The following DNAH12 variants were observed in gnomAD, a reference collection of about 807,000 sequenced individuals.
The protein encoded by DNAH12 is axonemal beta dynein heavy chain 12.
DNAH12 carries 285 observed loss-of-function variants against 371.5 expected under a neutral mutation model. That is an observed-to-expected ratio of 0.77 (90% CI 0.70 to 0.85). The LOEUF (loss-of-function observed/expected upper bound fraction) is 0.85. Among genes scored for constraint, DNAH12 ranks in the 40% least tolerant of loss-of-function variants. DNAH12 has a pLI of 0.00. For missense variants in DNAH12, 3,611 were observed against 3,689.4 expected (o/e 0.98, Z 0.55); for synonymous variants, 1,200 against 1,213.0 (o/e 0.99, Z 0.22).
chr3:57,383,087 A>C (rs1450792662), intron 49 of DNAH12, among the ~76,000 whole-genome samples: 1 of 152,154 alleles, frequency 6.6e-6, no homozygotes, highest in Non-Finnish European at 1.5e-5. Flanking sequence ...GCAGTGTAGG[A>C]AGCTCTGGAG....
intron 43 of DNAH12, among the ~76,000 whole-genome samples, chr3:57,394,968 G>A (rs2063706515): frequency 6.6e-6 from 1 of 151,998 alleles, no homozygotes; most frequent in Admixed American, 6.6e-5. Context: ...TAAAATTTCA[G>A]GAACTTGTCA....
chr3:57,303,997 T>C (rs2061416717), intron 69 of DNAH12, among the ~76,000 whole-genome samples: 1 of 152,166 alleles, frequency 6.6e-6, no homozygotes, highest in Non-Finnish European at 1.5e-5. Flanking sequence ...CATTACCTTG[T>C]GAAATTCCTT....
chr3:57,503,768 T>C (rs2067645958), intron 9 of DNAH12, among the ~76,000 whole-genome samples: 1 of 152,096 alleles, frequency 6.6e-6, no homozygotes, highest in Non-Finnish European at 1.5e-5. Context: ...CTTAAGAAGC[T>C]CACAACTCAG....
chr3:57,440,424 A>G (rs996054227), intron 29 of DNAH12, among the ~76,000 whole-genome samples: 1 of 152,188 alleles, frequency 6.6e-6, no homozygotes, highest in Non-Finnish European at 1.5e-5. Flanking sequence ...TCACACAGGA[A>G]CAGGAAACCA....
chr3:57,365,221 A>G (rs1488312087), intron 57 of DNAH12, among the ~76,000 whole-genome samples: 5 of 152,244 alleles, frequency 3.3e-5, no homozygotes, highest in East Asian at 1.9e-4. Context: ...GTGTCCATCA[A>G]CTATAGACTG....
intron 57 of DNAH12, among the ~76,000 whole-genome samples, chr3:57,364,431 T>C (rs2063002445): frequency 1.3e-5 from 2 of 152,162 alleles, no homozygotes. Context: ...TCAAGTGAAA[T>C]CAGATTTCCT....
chr3:57,319,176 G>T (rs974086422), intron 65 of DNAH12, among the ~76,000 whole-genome samples: 1 of 152,008 alleles, frequency 6.6e-6, no homozygotes. Context: ...ATAGTTTGTT[G>T]TTGGTGTACA....
At chr3:57,469,781 G>T (rs1257048775) in intron 16 of DNAH12, among the ~76,000 whole-genome samples, 2 of 152,078 alleles carry the variant, frequency 1.3e-5, no homozygotes, top group Admixed American at 6.6e-5. Flanking sequence ...GCTAAGCCCT[G>T]GGTATACATG....
chr3:57,302,376 G>A (rs1285274620), intron 69 of DNAH12, among the ~76,000 whole-genome samples: 1 of 151,112 alleles, frequency 6.6e-6, no homozygotes, highest in African/African-American at 2.4e-5. Context: ...TACTTTACTT[G>A]CACTTAGGCC....
chr3:57,536,352 T>C (rs1325155847), intron 2 of DNAH12: 2 of 152,180 alleles, frequency 1.3e-5, no homozygotes, highest in African/African-American at 4.8e-5. Flanking sequence ...GCTGCCAAAG[T>C]GAGCACTCAA....
intron 58 of DNAH12, among the ~76,000 whole-genome samples, chr3:57,360,349 G>A (rs989846306): frequency 0.2 from 29,829 of 151,994 alleles, 3,151 homozygotes; most frequent in African/African-American, 0.24. Context: ...TCACATTCAT[G>A]CAAAATAAAT....
chr3:57,446,551 G>C lies in DNAH12; in HGVS notation c.3925C>G (p.Leu1309Val), dbSNP rs1237337521. The change falls in exon 26 of 74, where the codon CTA (leucine) becomes GTA (valine). Residue 1309 changes from leucine to valine, a missense_variant. Leu to Val is a conservative substitution (Grantham distance 32). This residue lies in a region of DNAH12 where 2,266 missense variants were observed against 2,236.9 expected (regional missense o/e 1.01). Coordinates refer to ENST00000495027, the MANE Select transcript of DNAH12 (RefSeq NM_001366028.2). ...VFNCSDGLDYLAMGKFFKGLA... is the reference protein window; with the variant it reads ...VFNCSDGLDYVAMGKFFKGLA... ...AATTTAACTACCTTTCCCATTGCTA[G>C]ATAATCTAGCCCATCAGAACAGTTG... is the stretch of plus-strand genomic sequence containing the variant. The C allele has an allele frequency of 6.5e-7, 1 of 1,529,038 alleles. No homozygotes were observed. Among genetic ancestry groups the C allele is most frequent in the Middle Eastern group, 1.7e-4 (1 of 5,912 alleles). 94.7% of individuals were successfully genotyped at this position (1,529,038 alleles called of 1,614,324 possible).
chr3:57,552,626 C>G, the DNAH12 span, among the ~76,000 whole-genome samples: 1 of 152,050 alleles, frequency 6.6e-6, no homozygotes, highest in Non-Finnish European at 1.5e-5. Flanking sequence ...ACAAAGCCAC[C>G]AGGTATAGTG....
intron 62 of DNAH12, among the ~76,000 whole-genome samples, chr3:57,333,329 CTTTT>C (rs34135477): frequency 1.6e-4 from 18 of 111,076 alleles, no homozygotes; most frequent in African/African-American, 6.4e-4. Context: ...TTTAAGGCAA[CTTTT>C]TTTTTTTTTT....
At position 57,309,648 on chromosome 3, in the gene DNAH12, T is replaced by C. The variant is rs1166273669; in HGVS notation, c.11085+18A>G. On this transcript the variant is annotated intron_variant, in intron 68 of 73. Transcript: ENST00000495027. ...TTTTATTTATATTATAAGTAACATA[T>C]TTTAAGCTGAACATTACCTTGTTGA... 11 of 1,471,246 alleles carry C rather than the reference T, an allele frequency of 7.5e-6. No homozygotes were observed. The highest frequency in any genetic ancestry group is 9.0e-6 in the Non-Finnish European group (10 of 1,111,858). The allele number at this position is 1,471,246 out of a possible 1,614,324, so 91.1% of individuals were successfully genotyped here.
chr3:57,438,373 A>G (rs1575600414), intron 29 of DNAH12, among the ~76,000 whole-genome samples: 1 of 152,240 alleles, frequency 6.6e-6, no homozygotes, highest in East Asian at 1.9e-4. Context: ...TAGCCTGTAT[A>G]ATTATTTTAT....
Position 57,314,675 on chromosome 3 carries a change from G to T in DNAH12, c.10525-44C>A. 4 of 1,500,274 alleles carry T rather than the reference G, an allele frequency of 2.7e-6. No homozygotes were observed. In the South Asian group the frequency reaches 5.3e-5, roughly 20 times the overall value. 92.9% of individuals were successfully genotyped at this position (1,500,274 alleles called of 1,614,324 possible). On this transcript the variant is annotated intron_variant, in intron 65 of 73. Coordinates refer to ENST00000495027, the MANE Select transcript of DNAH12 (RefSeq NM_001366028.2). ...ATAACAAGAAAAAAAATTCCGGTCAGATTCCATCAGTAAAATGAGAGGAAT... is the reference window on the plus strand; with the variant it reads ...ATAACAAGAAAAAAAATTCCGGTCATATTCCATCAGTAAAATGAGAGGAAT...
At chr3:57,386,671 A>G (rs1297921228) in intron 46 of DNAH12, 68 bp from the exon 47 acceptor site, 1 of 152,230 alleles carries the variant, frequency 6.6e-6, no homozygotes, top group Non-Finnish European at 1.5e-5. Context: ...AATTCAACAT[A>G]CCATTAACAG....
chr3:57,351,934 G>A (rs928240142), intron 60 of DNAH12, 151 bp downstream of exon 60: 30 of 760,884 alleles, frequency 3.9e-5, no homozygotes, highest in Admixed American at 3.8e-4. Flanking sequence ...CGATACTATC[G>A]TAGAAGCCAT....
Sources: gnomAD v4.1 joint callset for allele counts (sites outside exome capture counted in the v4.1 genomes callset) on GRCh38, gnomAD v4.1.1 for gene constraint, gnomAD v4.1.1 regional missense constraint, MANE v1.5 for transcripts, NCBI Gene and HGNC (gene_info 2026-07-23, HGNC 2026-07-21) for gene names.